Variants in MLLT3 observed in about 807,000 individuals in gnomAD.
MLLT3 encodes the protein protein AF-9.
In MLLT3, 4 loss-of-function variants were observed where a neutral mutation model predicts 53.2. That is an observed-to-expected ratio of 0.08 (90% CI 0.04 to 0.17). The LOEUF (loss-of-function observed/expected upper bound fraction) is 0.17. Among genes scored for constraint, MLLT3 ranks in the 10% least tolerant of loss-of-function variants. The pLI is 1.00. For synonymous variants in MLLT3, 283 were observed against 230.6 expected (o/e 1.23, Z -2.06); for missense variants, 569 against 684.0 (o/e 0.83, Z 1.87).
At chr9:20,528,012 T>C (rs1461962870) in intron 2 of MLLT3, among the ~76,000 whole-genome samples, 1 of 152,200 alleles carries the variant, frequency 6.6e-6, no homozygotes, top group Non-Finnish European at 1.5e-5. Context: ...GCAATAGAAG[T>C]TTATTAAAAT....
At chr9:20,374,232 A>G (rs1237782133) in intron 5 of MLLT3, among the ~76,000 whole-genome samples, 2 of 152,166 alleles carry the variant, frequency 1.3e-5, no homozygotes, top group Non-Finnish European at 2.9e-5. Context: ...AAAAATAAAA[A>G]TATTAGCCAG....
intron 2 of MLLT3, among the ~76,000 whole-genome samples, chr9:20,500,076 G>A (rs975782684): frequency 6.6e-6 from 1 of 152,196 alleles, no homozygotes; most frequent in Admixed American, 6.5e-5. Flanking sequence ...TCACCATCAA[G>A]CTTAGTTTAA....
intron 2 of MLLT3, among the ~76,000 whole-genome samples, chr9:20,499,000 G>A (rs1386661929): frequency 6.6e-6 from 1 of 152,092 alleles, no homozygotes; most frequent in African/African-American, 2.4e-5. Context: ...TGTCAGTAGG[G>A]CCATATTCCC....
intron 2 of MLLT3, among the ~76,000 whole-genome samples, chr9:20,601,802 C>T (rs1422307363): frequency 6.6e-6 from 1 of 152,050 alleles, no homozygotes; most frequent in Non-Finnish European, 1.5e-5. Flanking sequence ...TTTTTCTTTT[C>T]TCTTTTTATG....
intron 2 of MLLT3, among the ~76,000 whole-genome samples, chr9:20,463,111 G>T (rs1400770499): frequency 6.6e-6 from 1 of 152,062 alleles, no homozygotes; most frequent in African/African-American, 2.4e-5. Context: ...AGGGATTATT[G>T]AATTTGAAAT....
At chr9:20,354,738 C>T in intron 9 of MLLT3, 70 bp downstream of exon 9, 1 of 1,022,982 alleles carries the variant, frequency 9.8e-7, no homozygotes, top group Non-Finnish European at 1.5e-6. Context: ...CAAGGATGAT[C>T]AAGGGCAACA....
At chr9:20,385,329 CA>C (rs1822007907) in intron 5 of MLLT3, among the ~76,000 whole-genome samples, 1 of 151,966 alleles carries the variant, frequency 6.6e-6, no homozygotes, top group African/African-American at 2.4e-5. Flanking sequence ...AGCAATATCC[CA>C]GGAAAAAATC....
At chr9:20,447,963 C>G (rs990537124) in intron 4 of MLLT3, among the ~76,000 whole-genome samples, 160 bp downstream of exon 4, 1 of 152,078 alleles carries the variant, frequency 6.6e-6, no homozygotes, top group South Asian at 2.1e-4. Context: ...CTGTTCATCT[C>G]AACACATGAA....
chr9:20,595,349 T>C (rs1210471228), intron 2 of MLLT3, among the ~76,000 whole-genome samples: 6 of 151,936 alleles, frequency 3.9e-5, no homozygotes, highest in Non-Finnish European at 8.8e-5. Flanking sequence ...CCAGCCTGAG[T>C]GACAGAGCAA....
chr9:20,524,549 G>A (rs758563229), intron 2 of MLLT3, among the ~76,000 whole-genome samples: 40 of 151,864 alleles, frequency 2.6e-4, no homozygotes, highest in Non-Finnish European at 5.0e-4. Context: ...ACAGGCTCTC[G>A]GGCTCTCATT....
chr9:20,574,183 C>A (rs780173385), intron 2 of MLLT3, among the ~76,000 whole-genome samples: 2 of 152,076 alleles, frequency 1.3e-5, no homozygotes, highest in African/African-American at 4.8e-5. Context: ...TGATAATGCC[C>A]GGACTAACTG....
chr9:20,353,717 T>C (rs991331566), intron 9 of MLLT3, 121 bp from the exon 10 acceptor site: 15 of 804,282 alleles, frequency 1.9e-5, no homozygotes, highest in Non-Finnish European at 2.9e-5. Context: ...TACACCACTC[T>C]AGCCCAGGCT....
chr9:20,519,898 A>G (rs1818016375), intron 2 of MLLT3, among the ~76,000 whole-genome samples: 1 of 152,248 alleles, frequency 6.6e-6, no homozygotes, highest in Admixed American at 6.5e-5. Context: ...ACATACATGT[A>G]TATGTTCACT....
chr9:20,397,462 G>C (rs942111033), intron 5 of MLLT3, among the ~76,000 whole-genome samples: 2 of 152,078 alleles, frequency 1.3e-5, no homozygotes, highest in African/African-American at 4.8e-5. Flanking sequence ...GGAGAGAATT[G>C]TTATCAGTGC....
chr9:20,574,945 T>C (rs955053179), intron 2 of MLLT3, among the ~76,000 whole-genome samples: 17 of 152,240 alleles, frequency 1.1e-4, no homozygotes, highest in Non-Finnish European at 1.2e-4. Context: ...TGTTGTCATT[T>C]CAACAATGTT....
At chr9:20,561,255 C>CTA (rs879536241) in intron 2 of MLLT3, among the ~76,000 whole-genome samples, 33 of 152,098 alleles carry the variant, frequency 2.2e-4, no homozygotes, top group Non-Finnish European at 3.8e-4. Context: ...GGACAGAGCA[C>CTA]TATATATATA....
At chr9:20,554,281 T>C (rs1173805066) in intron 2 of MLLT3, among the ~76,000 whole-genome samples, 6 of 152,178 alleles carry the variant, frequency 3.9e-5, no homozygotes, top group Admixed American at 3.3e-4. Context: ...CAGTTCACAA[T>C]TTTTTAAAGA....
intron 5 of MLLT3, among the ~76,000 whole-genome samples, chr9:20,404,190 C>T (rs1328889140): frequency 1.3e-5 from 2 of 152,074 alleles, no homozygotes; most frequent in African/African-American, 4.8e-5. Context: ...TAAAATGAAG[C>T]GTTAGGCCAA....
intron 2 of MLLT3, among the ~76,000 whole-genome samples, chr9:20,503,255 G>C (rs928401069): frequency 1.3e-5 from 2 of 152,110 alleles, no homozygotes; most frequent in East Asian, 3.8e-4. Flanking sequence ...CAAGCAAAAA[G>C]AACAAAGCTA....
Sources: gnomAD v4.1 joint callset for allele counts (sites outside exome capture counted in the v4.1 genomes callset) on GRCh38, gnomAD v4.1.1 for gene constraint, MANE v1.5 for transcripts, NCBI Gene and HGNC (gene_info 2026-07-23, HGNC 2026-07-21) for gene names.